Variants in TMTC2 observed in about 807,000 individuals in gnomAD.
TMTC2 encodes the protein transmembrane O-mannosyltransferase targeting cadherins 2, also known as protein O-mannosyl-transferase TMTC2.
Under a neutral mutation model 82.4 loss-of-function variants are expected in TMTC2, and 43 were observed. That is an observed-to-expected ratio of 0.52 (90% CI 0.41 to 0.67). The LOEUF is 0.67. TMTC2 is among the 30% of genes least tolerant of loss of function. The pLI, the probability that TMTC2 is intolerant of heterozygous loss-of-function variation, is 0.00. For missense variants in TMTC2, 919 were observed against 1,012.4 expected, an observed-to-expected ratio of 0.91 and a Z score of 1.25; for synonymous variants, 408 against 381.9, an observed-to-expected ratio of 1.07 and a Z score of -0.80.
At chr12:83,035,906 G>C (rs1271134303) in intron 9 of TMTC2, among the ~76,000 whole-genome samples, 3 of 152,150 alleles carry the variant, frequency 2.0e-5, no homozygotes, top group Non-Finnish European at 4.4e-5. Context: ...ATGAACATTT[G>C]TTATGAGGTA....
chr12:82,985,065 T>A (rs570294089), intron 7 of TMTC2, among the ~76,000 whole-genome samples: 1 of 151,896 alleles, frequency 6.6e-6, no homozygotes, highest in South Asian at 2.1e-4. Flanking sequence ...ATTAAAATAA[T>A]TTTTTTTGTT....
At chr12:82,698,105 T>TG (rs1474644041) in intron 1 of TMTC2, among the ~76,000 whole-genome samples, 1 of 152,170 alleles carries the variant, frequency 6.6e-6, no homozygotes, top group Non-Finnish European at 1.5e-5. Context: ...TAAGGCACCT[T>TG]GGGGGGTTTC....
At chr12:83,128,446 T>G (rs1885160234) in intron 11 of TMTC2, among the ~76,000 whole-genome samples, 1 of 152,098 alleles carries the variant, frequency 6.6e-6, no homozygotes, top group Non-Finnish European at 1.5e-5. Flanking sequence ...CTAACTTAAA[T>G]AATTGAATGA....
Position 82,895,907 on chromosome 12 carries a change from C to A in TMTC2, c.744C>A (p.Asn248Lys), listed in dbSNP as rs577005102. Residue 248 changes from asparagine to lysine, a missense_variant, in exon 3 of 12, where the codon AAC becomes AAA. Physicochemically the swap from Asn to Lys is moderately conservative, Grantham distance 94. Transcript: ENST00000321196. ...GTGCCCGGTTATACTGGATGGGAAACAAACCACCAAGCTTTTCCAACTCGG... is the reference window on the plus strand; with the variant it reads ...GTGCCCGGTTATACTGGATGGGAAAAAAACCACCAAGCTTTTCCAACTCGG... ...LLGARLYWMG[N>K]KPPSFSNSDN... 83 of 1,613,922 alleles carry A rather than the reference C, an allele frequency of 5.1e-5. No homozygotes were observed. The South Asian group carries it at 8.0e-4, about 16-fold the overall frequency.
chr12:82,727,116 A>T (rs992577727), intron 1 of TMTC2, among the ~76,000 whole-genome samples: 1 of 151,890 alleles, frequency 6.6e-6, no homozygotes, highest in African/African-American at 2.4e-5. Flanking sequence ...TGAAAAAAAA[A>T]ACAACCAGAA....
chr12:82,927,899 T>G (rs1307453351), intron 3 of TMTC2, among the ~76,000 whole-genome samples: 3 of 152,202 alleles, frequency 2.0e-5, no homozygotes, highest in Non-Finnish European at 1.5e-5. Flanking sequence ...GACAACATTA[T>G]TGTGTAAATA....
At chr12:82,777,437 C>G (rs1877658122) in intron 1 of TMTC2, among the ~76,000 whole-genome samples, 2 of 152,068 alleles carry the variant, frequency 1.3e-5, no homozygotes, top group African/African-American at 2.4e-5. Context: ...ATGATTCTCT[C>G]TTTCCATATT....
chr12:82,937,922 A>G (rs71437090), intron 4 of TMTC2, among the ~76,000 whole-genome samples: 20 of 131,436 alleles, frequency 1.5e-4, no homozygotes, highest in African/African-American at 6.2e-4. Flanking sequence ...TTTTTTTTTT[A>G]TTTTTTTTTT....
At chr12:83,000,707 G>A (rs1162297480) in intron 8 of TMTC2, among the ~76,000 whole-genome samples, 1 of 152,156 alleles carries the variant, frequency 6.6e-6, no homozygotes, top group African/African-American at 2.4e-5. Flanking sequence ...GCCCCAGTGG[G>A]GACTCTATGG....
chr12:83,032,772 G>A (rs983825002), intron 9 of TMTC2, among the ~76,000 whole-genome samples: 1 of 151,892 alleles, frequency 6.6e-6, no homozygotes, highest in African/African-American at 2.4e-5. Flanking sequence ...TGTTGGCCAG[G>A]CTGGTCTCAA....
At chr12:82,748,777 T>C (rs953837563) in intron 1 of TMTC2, among the ~76,000 whole-genome samples, 1 of 152,164 alleles carries the variant, frequency 6.6e-6, no homozygotes, top group African/African-American at 2.4e-5. Context: ...CTTGTGAGGC[T>C]GAGGCAGGAG....
chr12:83,029,863 G>A (rs1015120808), intron 8 of TMTC2, among the ~76,000 whole-genome samples: 11 of 152,154 alleles, frequency 7.2e-5, no homozygotes, highest in East Asian at 1.9e-4. Flanking sequence ...GTATGTAAAC[G>A]TTCACCCCTG....
chr12:83,047,864 C>A (rs1263664283), intron 9 of TMTC2, among the ~76,000 whole-genome samples: 1 of 152,162 alleles, frequency 6.6e-6, no homozygotes, highest in East Asian at 1.9e-4. Context: ...AACAATATTT[C>A]CTTTTTTGTT....
intron 1 of TMTC2, among the ~76,000 whole-genome samples, chr12:82,793,044 C>A (rs988603265): frequency 6.6e-6 from 1 of 152,030 alleles, no homozygotes; most frequent in African/African-American, 2.4e-5. Context: ...TTTGTAAGGG[C>A]ACCTTTTGAT....
chr12:83,065,832 A>C (rs1475920365), intron 11 of TMTC2, among the ~76,000 whole-genome samples: 1 of 151,992 alleles, frequency 6.6e-6, no homozygotes, highest in Non-Finnish European at 1.5e-5. Context: ...GGATTTTTAA[A>C]AAATGGTTAA....
At chr12:83,056,785 T>C (rs532362088) in intron 10 of TMTC2, among the ~76,000 whole-genome samples, 5 of 152,086 alleles carry the variant, frequency 3.3e-5, no homozygotes, top group African/African-American at 1.2e-4. Context: ...TCAACCATGC[T>C]GTAATGGACC....
At chr12:82,762,822 GT>G (rs144250890) in intron 1 of TMTC2, among the ~76,000 whole-genome samples, 1 of 151,880 alleles carries the variant, frequency 6.6e-6, no homozygotes, top group Non-Finnish European at 1.5e-5. Flanking sequence ...ACATGTTTAT[GT>G]TTTTTAAAAA....
chr12:82,807,028 T>C (rs151152805), intron 1 of TMTC2, among the ~76,000 whole-genome samples: 7 of 152,260 alleles, frequency 4.6e-5, no homozygotes, highest in African/African-American at 7.2e-5. Flanking sequence ...ACATGTACGA[T>C]TGACAGCTGT....
intron 8 of TMTC2, chr12:82,986,445 T>C (rs1407328870): frequency 6.3e-6 from 1 of 157,734 alleles, no homozygotes; most frequent in Non-Finnish European, 1.4e-5. Context: ...TGAGATGCCA[T>C]GATCGTTGAT....
Sources: gnomAD v4.1 joint callset for allele counts (sites outside exome capture counted in the v4.1 genomes callset) on GRCh38, gnomAD v4.1.1 for gene constraint, MANE v1.5 for transcripts, NCBI Gene and HGNC (gene_info 2026-07-23, HGNC 2026-07-21) for gene names.